Variants in ATP2B1 observed in about 807,000 individuals in gnomAD.
ATP2B1 encodes plasma membrane calcium-transporting ATPase 1.
Under a neutral mutation model 124.2 loss-of-function variants are expected in ATP2B1, and 14 were observed. That is an observed-to-expected ratio of 0.11 (90% CI 0.07 to 0.18). The LOEUF is 0.18. Among genes scored for constraint, ATP2B1 ranks in the 10% least tolerant of loss-of-function variants. The pLI, the probability that ATP2B1 is intolerant of heterozygous loss-of-function variation, is 1.00. For missense variants in ATP2B1, 763 were observed against 1,466.1 expected (o/e 0.52, Z 7.83); for synonymous variants, 449 against 492.4 (o/e 0.91, Z 1.17).
chr12:89,636,091 T>C (rs531234942), intron 3 of ATP2B1, among the ~76,000 whole-genome samples: 3 of 152,006 alleles, frequency 2.0e-5, no homozygotes, highest in Admixed American at 6.6e-5. Flanking sequence ...GAAGGCCCCA[T>C]TGAGGTATGC....
chr12:89,625,238 C>T (rs1031069515), intron 8 of ATP2B1, among the ~76,000 whole-genome samples: 1 of 151,314 alleles, frequency 6.6e-6, no homozygotes, highest in Admixed American at 6.6e-5. Flanking sequence ...TGCACTCCAG[C>T]CTGGGTGACA....
chr12:89,653,757 T>C (rs553955568), intron 2 of ATP2B1, among the ~76,000 whole-genome samples: 6 of 152,274 alleles, frequency 3.9e-5, no homozygotes, highest in African/African-American at 1.4e-4. Flanking sequence ...TTAAGCCAAT[T>C]TAAAAGGCAC....
chr12:89,646,947 CT>C (rs1173908244), intron 2 of ATP2B1, among the ~76,000 whole-genome samples: 1 of 152,064 alleles, frequency 6.6e-6, no homozygotes, highest in Non-Finnish European at 1.5e-5. Flanking sequence ...ACAGGTAAGC[CT>C]TCGAAGGGGC....
intron 1 of ATP2B1, among the ~76,000 whole-genome samples, chr12:89,668,626 A>G (rs2136491888): frequency 6.6e-6 from 1 of 152,308 alleles, no homozygotes; most frequent in South Asian, 2.1e-4. Context: ...GGGAGATAAT[A>G]AGGAGGGATT....
At chr12:89,599,442 T>C in intron 19 of ATP2B1, 143 bp from the exon 20 acceptor site, 5 of 884,166 alleles carry the variant, frequency 5.7e-6, no homozygotes, top group Non-Finnish European at 6.6e-6. Flanking sequence ...TGATTAGTCT[T>C]TCTCTCCCAG....
chr12:89,659,026 T>C (rs969491711), intron 1 of ATP2B1, among the ~76,000 whole-genome samples: 3 of 152,164 alleles, frequency 2.0e-5, no homozygotes, highest in Middle Eastern at 3.2e-3. Flanking sequence ...CTTCCATTCA[T>C]CTAACTGGCT....
chr12:89,591,236 T>A lies in ATP2B1; in HGVS notation c.3411A>T (p.Ser1137=), dbSNP rs1348461756. ...SLYEGLEKPE[S]RSSIHNFMTH... is the part of the protein sequence containing the mutation. ...TCATAAAGTTGTGAATCGAACTTCTTGATTCCGGTTTTTCTAACCCTTCAT... is the reference window on the plus strand; with the variant it reads ...TCATAAAGTTGTGAATCGAACTTCTAGATTCCGGTTTTTCTAACCCTTCAT... Residue 1137 remains serine (S), a synonymous_variant, in exon 21 of 21, where the codon TCA becomes TCT. Transcript: ENST00000428670. 6.8e-6 allele frequency: 11 copies of A among 1,612,946 alleles called. No homozygotes were observed. The highest frequency in any genetic ancestry group is 9.3e-6 in the Non-Finnish European group (11 of 1,179,224).
In ATP2B1 at chr12:89,621,802, C is replaced by CAAA. The variant is rs35089871; in HGVS notation, c.1345-14_1345-12dup. ...ATCTTTCATCATTTTCTACAGTGAC[C>CAAA]AAAAAAAAAAAACTAGTTAAGCTGC... On this transcript the variant is annotated splice_polypyrimidine_tract_variant and intron_variant, in intron 9 of 20. Coordinates refer to ENST00000428670, the MANE Select transcript of ATP2B1 (RefSeq NM_001366521.1). 1.2e-3 allele frequency: 1,383 copies of CAAA among 1,180,488 alleles called. No homozygotes were observed. The highest frequency in any genetic ancestry group is 3.6e-3 in the South Asian group (187 of 51,422). The allele number at this position is 1,180,488 out of a possible 1,614,324, so 73.1% of individuals were successfully genotyped here.
chr12:89,635,936 A>G (rs1441212595), intron 3 of ATP2B1, among the ~76,000 whole-genome samples: 2 of 152,228 alleles, frequency 1.3e-5, no homozygotes, highest in Non-Finnish European at 2.9e-5. Flanking sequence ...CATGGAATCC[A>G]TACTCAGACT....
chr12:89,665,743 C>G (rs1305828987), intron 1 of ATP2B1, among the ~76,000 whole-genome samples: 1 of 152,196 alleles, frequency 6.6e-6, no homozygotes, highest in Non-Finnish European at 1.5e-5. Context: ...AACATGAACA[C>G]TTGAATGTCA....
chr12:89,682,672 T>C (rs2136649852), intron 1 of ATP2B1, among the ~76,000 whole-genome samples: 1 of 152,278 alleles, frequency 6.6e-6, no homozygotes, highest in African/African-American at 2.4e-5. Flanking sequence ...AAAGATGAAA[T>C]TAGATCAATT....
chr12:89,663,789 C>A (rs1007731893), intron 1 of ATP2B1, among the ~76,000 whole-genome samples: 1 of 152,202 alleles, frequency 6.6e-6, no homozygotes. Flanking sequence ...CTGTTAACCA[C>A]TCCCTATTGA....
chr12:89,606,394 G>A (rs1451870211), intron 15 of ATP2B1, among the ~76,000 whole-genome samples: 4 of 152,150 alleles, frequency 2.6e-5, no homozygotes, highest in Admixed American at 2.6e-4. Context: ...GTATGTGGCA[G>A]GGAACTTGCT....
At chr12:89,610,663 G>A (rs1049097905) in intron 13 of ATP2B1, 155 bp from the exon 14 acceptor site, 3 of 633,734 alleles carry the variant, frequency 4.7e-6, no homozygotes, top group Non-Finnish European at 8.3e-6. Flanking sequence ...CTTGGGCATG[G>A]ACCCAGATCT....
In ATP2B1 at chr12:89,699,162, T is replaced by C. The variant is rs530777623; in HGVS notation, c.-222+9434A>G. Among the ~76,000 whole-genome samples, 8 of 152,326 alleles carry C rather than the reference T, an allele frequency of 5.3e-5. No individual in the cohort carries two copies. The East Asian group carries it at 1.5e-3, about 29-fold the overall frequency. ...ACTGACTTGTTTCTGGGCTTTTCTA[T>C]TACTTAGAGATCAGCTTTTTAAGTC... is the stretch of plus-strand genomic sequence containing the variant. On this transcript the variant is annotated intron_variant, in intron 1 of 20. Coordinates refer to ENST00000428670, the MANE Select transcript of ATP2B1 (RefSeq NM_001366521.1).
At chr12:89,627,298 TAGA>T (rs905512720) in intron 7 of ATP2B1, among the ~76,000 whole-genome samples, 9 of 151,242 alleles carry the variant, frequency 6.0e-5, no homozygotes, top group Middle Eastern at 3.4e-3. Flanking sequence ...AGGCAATGTG[TAGA>T]AGGTGTATAT....
At chr12:89,616,396 G>C (rs146264333) in intron 12 of ATP2B1, among the ~76,000 whole-genome samples, 2,569 of 152,260 alleles carry the variant, frequency 0.017, 67 homozygotes, top group African/African-American at 0.052. Flanking sequence ...CTAGAAGTCA[G>C]TATTCACACA....
intron 1 of ATP2B1, among the ~76,000 whole-genome samples, chr12:89,669,408 A>T (rs1353763261): frequency 6.6e-6 from 1 of 152,174 alleles, no homozygotes. Context: ...TTTTTTCAGC[A>T]CTCAAGAGGA....
At chr12:89,698,078 C>T (rs1423695869) in intron 1 of ATP2B1, among the ~76,000 whole-genome samples, 1 of 152,012 alleles carries the variant, frequency 6.6e-6, no homozygotes, top group African/African-American at 2.4e-5. Context: ...ACCATTTTGG[C>T]CAGGCTGGTC....
Sources: gnomAD v4.1 joint callset for allele counts (sites outside exome capture counted in the v4.1 genomes callset) on GRCh38, gnomAD v4.1.1 for gene constraint, MANE v1.5 for transcripts, NCBI Gene and HGNC (gene_info 2026-07-23, HGNC 2026-07-21) for gene names.